ERBB4: variants seen among roughly 807,000 people sequenced by gnomAD.
ERBB4 encodes the protein receptor tyrosine-protein kinase erbB-4.
ERBB4 carries 42 observed loss-of-function variants against 158.0 expected under a neutral mutation model. That is an observed-to-expected ratio of 0.27 (90% CI 0.21 to 0.34). The LOEUF (loss-of-function observed/expected upper bound fraction) is 0.34, where lower values mean the gene tolerates loss of function less well. ERBB4 is among the 10% of genes least tolerant of loss of function. The probability of loss-of-function intolerance (pLI) is 1.00; values close to 1 mark genes in which losing one functional copy is unlikely to be tolerated. For missense variants in ERBB4, 1,333 were observed against 1,624.1 expected (o/e 0.82, Z 3.08); for synonymous variants, 583 against 558.7 (o/e 1.04, Z -0.61).
intron 3 of ERBB4, among the ~76,000 whole-genome samples, chr2:211,840,184 G>A (rs1255456235): frequency 1.3e-5 from 2 of 151,976 alleles, no homozygotes; most frequent in Non-Finnish European, 2.9e-5. Flanking sequence ...TTCCTGTGCT[G>A]TTCTCATGAT....
Position 211,814,834 on chromosome 2 carries a change from C to T in ERBB4, c.422-26675G>A, listed in dbSNP as rs1040617198. On this transcript the variant is annotated intron_variant, in intron 3 of 27. Coordinates refer to ENST00000342788, the MANE Select transcript of ERBB4 (RefSeq NM_005235.3). Reference sequence around the variant, plus strand: ...CAGCATTATTGTGAGTGTCATAGTACAATGATAGGAAGTAGGTTCCAGAGC... The same window carrying T: ...CAGCATTATTGTGAGTGTCATAGTATAATGATAGGAAGTAGGTTCCAGAGC... Among the ~76,000 whole-genome samples, 7 of 152,074 alleles carry T rather than the reference C, an allele frequency of 4.6e-5. No homozygotes were observed. In the South Asian group the frequency reaches 6.2e-4, roughly 13 times the overall value.
At chr2:211,973,728 T>G (rs2081525088) in intron 2 of ERBB4, among the ~76,000 whole-genome samples, 1 of 152,186 alleles carries the variant, frequency 6.6e-6, no homozygotes, top group African/African-American at 2.4e-5. Context: ...ATCCCATGAC[T>G]GGGTATATAC....
chr2:212,528,912 T>C (rs1274006298), intron 1 of ERBB4, among the ~76,000 whole-genome samples: 3 of 152,216 alleles, frequency 2.0e-5, no homozygotes, highest in African/African-American at 7.2e-5. Flanking sequence ...TATTTTAAGA[T>C]ACTGAGAAAT....
chr2:211,878,829 C>T (rs1454844088), intron 3 of ERBB4, among the ~76,000 whole-genome samples: 1 of 151,066 alleles, frequency 6.6e-6, no homozygotes, highest in Non-Finnish European at 1.5e-5. Flanking sequence ...TAGAAAAAAA[C>T]AAAAAACAAA....
chr2:212,214,149 G>T (rs1334028613), intron 1 of ERBB4, among the ~76,000 whole-genome samples: 1 of 151,672 alleles, frequency 6.6e-6, no homozygotes. Context: ...AATTAACACA[G>T]AATTTTTACA....
chr2:212,214,850 A>T (rs575205731), intron 1 of ERBB4, among the ~76,000 whole-genome samples: 2 of 151,704 alleles, frequency 1.3e-5, no homozygotes, highest in South Asian at 4.1e-4. Flanking sequence ...AATAGACACA[A>T]CTCTATGTTT....
chr2:211,835,293 A>C (rs866145428), intron 3 of ERBB4, among the ~76,000 whole-genome samples: 1 of 152,092 alleles, frequency 6.6e-6, no homozygotes, highest in South Asian at 2.1e-4. Context: ...AATATTTAGA[A>C]ATGCATGGCT....
At chr2:212,234,833 T>A (rs2083800091) in intron 1 of ERBB4, among the ~76,000 whole-genome samples, 1 of 152,204 alleles carries the variant, frequency 6.6e-6, no homozygotes, top group Non-Finnish European at 1.5e-5. Flanking sequence ...GGTTTGTTTT[T>A]TTCCTGTAAA....
intron 3 of ERBB4, among the ~76,000 whole-genome samples, chr2:211,909,128 T>TA (rs1404832762): frequency 1.3e-5 from 2 of 151,714 alleles, no homozygotes; most frequent in Admixed American, 1.3e-4. Flanking sequence ...GTTATGATAG[T>TA]ATTCAATGTC....
At chr2:212,199,621 C>A (rs2082533023) in intron 1 of ERBB4, among the ~76,000 whole-genome samples, 1 of 152,034 alleles carries the variant, frequency 6.6e-6, no homozygotes, top group African/African-American at 2.4e-5. Flanking sequence ...TTATAGAGAG[C>A]CTGGTTTATC....
intron 1 of ERBB4, among the ~76,000 whole-genome samples, chr2:212,424,664 T>C (rs530914808): frequency 1.3e-5 from 2 of 152,268 alleles, no homozygotes; most frequent in African/African-American, 4.8e-5. Context: ...AGCTCACCTA[T>C]AGTAATCAGA....
intron 3 of ERBB4, among the ~76,000 whole-genome samples, chr2:211,942,282 T>A (rs1252807952): frequency 6.6e-6 from 1 of 152,100 alleles, no homozygotes; most frequent in Non-Finnish European, 1.5e-5. Flanking sequence ...AGATATCACA[T>A]CTTTCAAATT....
intron 4 of ERBB4, among the ~76,000 whole-genome samples, chr2:211,761,700 T>C (rs1002168699): frequency 6.6e-6 from 1 of 152,224 alleles, no homozygotes; most frequent in Non-Finnish European, 1.5e-5. Flanking sequence ...GGCATTTATT[T>C]CTAAAGGAGA....
intron 3 of ERBB4, among the ~76,000 whole-genome samples, chr2:211,820,032 T>G (rs1005353447): frequency 6.6e-6 from 1 of 151,888 alleles, no homozygotes; most frequent in Non-Finnish European, 1.5e-5. Flanking sequence ...GGAGTTCAGT[T>G]TAAGGTGCTT....
chr2:212,255,081 A>G (rs1160626062), intron 1 of ERBB4, among the ~76,000 whole-genome samples: 1 of 152,132 alleles, frequency 6.6e-6, no homozygotes, highest in Non-Finnish European at 1.5e-5. Flanking sequence ...TTAGACCATC[A>G]AAGGAGGTAG....
At chr2:211,525,812 TC>T (rs2066331616) in intron 20 of ERBB4, among the ~76,000 whole-genome samples, 1 of 151,936 alleles carries the variant, frequency 6.6e-6, no homozygotes, top group Non-Finnish European at 1.5e-5. Context: ...CTGGCAATAC[TC>T]CCCATGGGCC....
chr2:212,139,086 C>T (rs1034837555), intron 1 of ERBB4, among the ~76,000 whole-genome samples: 5 of 151,946 alleles, frequency 3.3e-5, no homozygotes, highest in Admixed American at 2.0e-4. Context: ...ATATCCTATT[C>T]GTGGGCTTTA....
chr2:211,979,148 C>T (rs988606145), intron 2 of ERBB4, among the ~76,000 whole-genome samples: 1 of 152,066 alleles, frequency 6.6e-6, no homozygotes, highest in African/African-American at 2.4e-5. Context: ...AAACAAAAAC[C>T]ATCTCTCCAC....
In ERBB4 at chr2:211,587,577, G is replaced by A. The variant is rs902714203; in HGVS notation, c.2302-25489C>T. Reference sequence around the variant, plus strand: ...AGAGACTTAGAGGGAGCATGGCCCTGCCAACACCATCATTTTGGAATTCTG... The same window carrying A: ...AGAGACTTAGAGGGAGCATGGCCCTACCAACACCATCATTTTGGAATTCTG... On this transcript the variant is annotated intron_variant, in intron 19 of 27. Transcript: ENST00000342788. Among the ~76,000 whole-genome samples the A allele has an allele frequency of 7.9e-5, 12 of 152,028 alleles. No homozygotes were observed. The South Asian group carries it at 1.5e-3, about 18-fold the overall frequency.
Sources: allele counts gnomAD v4.1 joint callset (sites outside exome capture counted in the v4.1 genomes callset), GRCh38; gene constraint gnomAD v4.1.1; transcripts MANE v1.5; gene names NCBI Gene and HGNC (gene_info 2026-07-23, HGNC 2026-07-21).